The following ERBB4 variants were observed in gnomAD, a reference collection of about 807,000 sequenced individuals.
The protein encoded by ERBB4 is erb-b2 receptor tyrosine kinase 4.
Under a neutral mutation model 158.0 loss-of-function variants are expected in ERBB4, and 42 were observed. The observed-to-expected ratio is 0.27, with a 90% CI of 0.21 to 0.34. The LOEUF is 0.34. ERBB4 is among the 10% of genes least tolerant of loss of function. The probability of loss-of-function intolerance (pLI) is 1.00; values close to 1 mark genes in which losing one functional copy is unlikely to be tolerated. For synonymous variants in ERBB4, 583 were observed against 558.7 expected (o/e 1.04, Z -0.61); for missense variants, 1,333 against 1,624.1 (o/e 0.82, Z 3.08).
At chr2:212,375,822 A>T (rs2090299571) in intron 1 of ERBB4, among the ~76,000 whole-genome samples, 1 of 152,106 alleles carries the variant, frequency 6.6e-6, no homozygotes, top group Non-Finnish European at 1.5e-5. Flanking sequence ...TGAAGCAAGA[A>T]CAAACATAAA....
Position 211,573,091 on chromosome 2 carries a change from T to A in ERBB4, c.2302-11003A>T, listed in dbSNP as rs1574780160. ...CTGAGTTTAGGAGATCTTCCTTGATTATTCAGGTAGGTTCTATATCCTTAT... is the reference window on the plus strand; with the variant it reads ...CTGAGTTTAGGAGATCTTCCTTGATAATTCAGGTAGGTTCTATATCCTTAT... On this transcript the variant is annotated intron_variant, in intron 19 of 27. Coordinates refer to ENST00000342788, the MANE Select transcript of ERBB4 (RefSeq NM_005235.3). Among the ~76,000 whole-genome samples the A allele has an allele frequency of 4.6e-5, 7 of 152,296 alleles. No individual in the cohort carries two copies. The South Asian group carries it at 1.5e-3, about 32-fold the overall frequency.
intron 1 of ERBB4, among the ~76,000 whole-genome samples, chr2:212,357,403 A>T (rs969267406): frequency 3.3e-5 from 5 of 151,872 alleles, no homozygotes; most frequent in Non-Finnish European, 7.4e-5. Context: ...TACGACTTTA[A>T]AAATAGATTC....
chr2:212,218,260 T>G (rs1171457704), intron 1 of ERBB4, among the ~76,000 whole-genome samples: 1 of 151,286 alleles, frequency 6.6e-6, no homozygotes, highest in Admixed American at 6.6e-5. Flanking sequence ...ATATCTGAAG[T>G]ACAAATTAAA....
chr2:212,093,528 G>C (rs1357125), intron 2 of ERBB4, among the ~76,000 whole-genome samples: 22,291 of 152,144 alleles, frequency 0.15, 2,050 homozygotes, highest in Non-Finnish European at 0.2. Context: ...ACAATGATGA[G>C]GAGGATAACA....
At chr2:211,815,729 A>T (rs1326848266) in intron 3 of ERBB4, among the ~76,000 whole-genome samples, 1 of 152,168 alleles carries the variant, frequency 6.6e-6, no homozygotes, top group Admixed American at 6.6e-5. Context: ...GCCAGAGGAG[A>T]TTGGCAGTTG....
chr2:211,656,513 C>T (rs1480540921), intron 16 of ERBB4, among the ~76,000 whole-genome samples: 2 of 152,130 alleles, frequency 1.3e-5, no homozygotes, highest in African/African-American at 4.8e-5. Flanking sequence ...AATTTATATA[C>T]AGTAAAACAT....
chr2:211,439,914 G>T (rs1192492369), intron 20 of ERBB4, among the ~76,000 whole-genome samples: 4 of 152,208 alleles, frequency 2.6e-5, no homozygotes, highest in Middle Eastern at 3.4e-3. Flanking sequence ...GGCCGACAGA[G>T]ATAACAGAAT....
intron 1 of ERBB4, among the ~76,000 whole-genome samples, chr2:212,161,458 A>G (rs971373406): frequency 6.6e-6 from 1 of 151,852 alleles, no homozygotes; most frequent in Non-Finnish European, 1.5e-5. Flanking sequence ...TTTCTCCCAT[A>G]GGTTGATGCA....
intron 2 of ERBB4, among the ~76,000 whole-genome samples, chr2:212,069,546 T>C (rs918474113): frequency 2.0e-5 from 3 of 152,084 alleles, no homozygotes; most frequent in Admixed American, 2.0e-4. Context: ...TTAAATATTG[T>C]ACTGGAGGTT....
At chr2:211,525,651 C>T (rs1443962672) in intron 20 of ERBB4, among the ~76,000 whole-genome samples, 1 of 152,122 alleles carries the variant, frequency 6.6e-6, no homozygotes, top group Non-Finnish European at 1.5e-5. Context: ...TTGAAGTCCC[C>T]AATTTTAGGC....
At chr2:212,150,504 C>T (rs1316252926) in intron 1 of ERBB4, among the ~76,000 whole-genome samples, 1 of 152,158 alleles carries the variant, frequency 6.6e-6, no homozygotes, top group Non-Finnish European at 1.5e-5. Context: ...GGCACACATT[C>T]GACCTCTAAC....
At chr2:211,446,561 TTTCTTCTTCA>T (rs1164648532) in intron 20 of ERBB4, among the ~76,000 whole-genome samples, 10 of 152,172 alleles carry the variant, frequency 6.6e-5, no homozygotes, top group African/African-American at 2.4e-4. Context: ...TTGAAGTTAG[TTTCTTCTTCA>T]AAGACTTTCT....
At chr2:212,359,310 AT>A (rs1222599389) in intron 1 of ERBB4, among the ~76,000 whole-genome samples, 5 of 151,676 alleles carry the variant, frequency 3.3e-5, no homozygotes, top group African/African-American at 9.7e-5. Context: ...CCATCAATCT[AT>A]ATCGCTTTGA....
In ERBB4 at chr2:211,380,865, T is replaced by C. The variant is rs77371691; in HGVS notation, c.*2750A>G. 149 of 232,068 alleles carry C rather than the reference T, an allele frequency of 6.4e-4. 1 individual carries two copies. The highest frequency in any genetic ancestry group is 3.1e-3 in the African/African-American group (140 of 45,402). The allele number at this position is 232,068 out of a possible 1,614,324, so 14.4% of individuals were successfully genotyped here. A position where few individuals can be genotyped will look rare whatever the true frequency, so the allele number is the denominator to read the frequency against. On this transcript the variant is annotated 3_prime_UTR_variant, in exon 28 of 28. Coordinates refer to ENST00000342788, the MANE Select transcript of ERBB4 (RefSeq NM_005235.3). ...TACCTTAACAGTTAAAAGTTTGTTT[T>C]AACTATTCATTTTTTCCTTCTCCAA...
intron 3 of ERBB4, among the ~76,000 whole-genome samples, chr2:211,946,954 T>A (rs1020620558): frequency 6.6e-6 from 1 of 152,128 alleles, no homozygotes; most frequent in Non-Finnish European, 1.5e-5. Context: ...TGGGATTTAG[T>A]GAGCTACTGA....
At chr2:211,837,317 A>T (rs2077363464) in intron 3 of ERBB4, among the ~76,000 whole-genome samples, 1 of 152,226 alleles carries the variant, frequency 6.6e-6, no homozygotes, top group Middle Eastern at 3.4e-3. Context: ...GGAAAGGTTA[A>T]AAGTACTTGG....
intron 20 of ERBB4, among the ~76,000 whole-genome samples, chr2:211,560,776 G>A (rs1574751503): frequency 6.6e-6 from 1 of 152,128 alleles, no homozygotes; most frequent in East Asian, 1.9e-4. Flanking sequence ...AGTCCATAAG[G>A]AAACTCTACT....
At position 212,236,840 on chromosome 2, in the gene ERBB4, A is replaced by G. The variant is rs112752781; in HGVS notation, c.83-111937T>C. Among the ~76,000 whole-genome samples the G allele has an allele frequency of 4.8e-3, 732 of 152,152 alleles. 7 individuals carry two copies. The highest frequency in any genetic ancestry group is 0.017 in the Middle Eastern group (5 of 294). On this transcript the variant is annotated intron_variant, in intron 1 of 27. Coordinates refer to ENST00000342788, the MANE Select transcript of ERBB4 (RefSeq NM_005235.3). ...TCCTTTATCAAATTTTATTGTGTCT[A>G]TTTGATTCTTCTCTCTTTTCTTCTT...
rs551177996 is a variant in ERBB4, at chr2:212,153,653, T to C, written c.83-28750A>G. Among the ~76,000 whole-genome samples the C allele has an allele frequency of 3.9e-5, 6 of 152,302 alleles. No homozygotes were observed. The South Asian group carries it at 1.2e-3, about 32-fold the overall frequency. On this transcript the variant is annotated intron_variant, in intron 1 of 27. Coordinates refer to ENST00000342788, the MANE Select transcript of ERBB4 (RefSeq NM_005235.3). ...TTGCGTTTTTTGTCATTGAAAGTGA[T>C]GGCAAAAACTGCAATTACTTTTGTG...
Sources: gnomAD v4.1 joint callset for allele counts (sites outside exome capture counted in the v4.1 genomes callset) on GRCh38, gnomAD v4.1.1 for gene constraint, MANE v1.5 for transcripts, NCBI Gene and HGNC (gene_info 2026-07-23, HGNC 2026-07-21) for gene names.